Variants in DCC observed in about 807,000 individuals in gnomAD.
The protein encoded by DCC is netrin receptor DCC.
DCC carries 58 observed loss-of-function variants against 172.5 expected under a neutral mutation model. That is an observed-to-expected ratio of 0.34 (90% confidence interval 0.27 to 0.42). The LOEUF (loss-of-function observed/expected upper bound fraction) is 0.42. DCC is among the 10% of genes least tolerant of loss of function. The pLI, the probability that DCC is intolerant of heterozygous loss-of-function variation, is 1.00. For missense variants in DCC, 1,740 were observed against 1,791.0 expected (o/e 0.97, Z 0.51); for synonymous variants, 709 against 644.5 (o/e 1.10, Z -1.52).
chr18:53,498,234 C>T (rs1030409417), intron 26 of DCC, among the ~76,000 whole-genome samples: 5 of 152,226 alleles, frequency 3.3e-5, no homozygotes, highest in South Asian at 2.1e-4. Context: ...TTGATGACCT[C>T]CTTGAGCCTC....
In DCC at chr18:53,320,368, G is replaced by A. The variant is rs112607301; in HGVS notation, c.2054-1679G>A. Among the ~76,000 whole-genome samples, 478 of 152,174 alleles carry A rather than the reference G, an allele frequency of 3.1e-3. 4 individuals are homozygous for A. The highest frequency in any genetic ancestry group is 0.011 in the African/African-American group (453 of 41,522). On this transcript the variant is annotated intron_variant, in intron 13 of 28. Transcript: ENST00000442544. ...ATTACAGGCATGAGCCACCGCGCCC[G>A]GCCAAGAGTACATTTTTGATGGATT...
chr18:52,483,163 C>T (rs529645017), intron 1 of DCC, among the ~76,000 whole-genome samples: 1 of 152,208 alleles, frequency 6.6e-6, no homozygotes, highest in African/African-American at 2.4e-5. Context: ...CTGCCTTCCT[C>T]TAATAAGGAT....
chr18:52,344,765 CA>C (rs1189523855), intron 1 of DCC, among the ~76,000 whole-genome samples: 2 of 137,878 alleles, frequency 1.5e-5, no homozygotes, highest in African/African-American at 5.3e-5. Flanking sequence ...TTTGCCATCC[CA>C]AACTTTGCAT....
intron 3 of DCC, among the ~76,000 whole-genome samples, chr18:52,914,382 A>G (rs990884205): frequency 1.3e-5 from 2 of 152,146 alleles, no homozygotes; most frequent in East Asian, 3.9e-4. Context: ...GTATGTGTAC[A>G]TAGAGAAAGA....
At chr18:52,527,559 G>A (rs1292825406) in intron 1 of DCC, among the ~76,000 whole-genome samples, 2 of 152,202 alleles carry the variant, frequency 1.3e-5, no homozygotes, top group East Asian at 1.9e-4. Flanking sequence ...GCAGAGTTCA[G>A]TGGTTGCTAA....
intron 2 of DCC, among the ~76,000 whole-genome samples, chr18:52,845,465 GATA>G (rs1168471483): frequency 6.6e-6 from 1 of 152,168 alleles, no homozygotes; most frequent in Non-Finnish European, 1.5e-5. Flanking sequence ...CCCCTGAGAG[GATA>G]ATAATGATCC....
intron 7 of DCC, among the ~76,000 whole-genome samples, chr18:53,100,654 G>A (rs1016194503): frequency 6.6e-6 from 1 of 151,788 alleles, no homozygotes; most frequent in Admixed American, 6.6e-5. Flanking sequence ...AGAAAGAAAG[G>A]GAAAGCCGGA....
intron 1 of DCC, among the ~76,000 whole-genome samples, chr18:52,564,314 T>C (rs1318499637): frequency 6.6e-6 from 1 of 152,070 alleles, no homozygotes; most frequent in African/African-American, 2.4e-5. Flanking sequence ...ATGAAGTTAT[T>C]TTGAAAGAAA....
chr18:53,291,222 T>C (rs1435126873), intron 12 of DCC, among the ~76,000 whole-genome samples: 2 of 152,100 alleles, frequency 1.3e-5, no homozygotes, highest in South Asian at 2.1e-4. Context: ...AATTATGTCA[T>C]TTTTTTCTCT....
At chr18:52,633,402 C>A (rs2034713363) in intron 1 of DCC, among the ~76,000 whole-genome samples, 1 of 152,168 alleles carries the variant, frequency 6.6e-6, no homozygotes, top group South Asian at 2.1e-4. Flanking sequence ...AAAGCCAGTG[C>A]CATTGTTGGC....
intron 2 of DCC, among the ~76,000 whole-genome samples, chr18:52,845,390 C>T (rs761863994): frequency 6.6e-6 from 1 of 152,144 alleles, no homozygotes; most frequent in Non-Finnish European, 1.5e-5. Flanking sequence ...CAGCAATTCT[C>T]GATCAAAGAG....
At chr18:52,585,286 C>T (rs1352910704) in intron 1 of DCC, among the ~76,000 whole-genome samples, 1 of 152,114 alleles carries the variant, frequency 6.6e-6, no homozygotes, top group Non-Finnish European at 1.5e-5. Context: ...TGTAGCCATG[C>T]CCAAAAGCTA....
chr18:52,644,807 G>A (rs1427118420), intron 1 of DCC, among the ~76,000 whole-genome samples: 2 of 124,662 alleles, frequency 1.6e-5, no homozygotes, highest in African/African-American at 6.0e-5. Context: ...AAGGAAGGAA[G>A]GAAGGGAGGG....
chr18:52,783,390 T>G (rs1014123347), intron 2 of DCC, among the ~76,000 whole-genome samples: 1 of 135,584 alleles, frequency 7.4e-6, no homozygotes, highest in South Asian at 2.4e-4. Flanking sequence ...TACATAAAAA[T>G]GCTATTGCTT....
chr18:52,391,765 T>A (rs909666588), intron 1 of DCC, among the ~76,000 whole-genome samples: 8 of 152,124 alleles, frequency 5.3e-5, no homozygotes, highest in Non-Finnish European at 1.5e-5. Flanking sequence ...GCAACTCTAT[T>A]CTATTTGGGC....
At chr18:52,353,479 C>G (rs191009021) in intron 1 of DCC, among the ~76,000 whole-genome samples, 1 of 152,272 alleles carries the variant, frequency 6.6e-6, no homozygotes, top group East Asian at 1.9e-4. Flanking sequence ...CACACATGCT[C>G]AAAGTGAGAC....
chr18:53,327,706 T>C (rs1400726919), intron 14 of DCC, among the ~76,000 whole-genome samples: 1 of 152,122 alleles, frequency 6.6e-6, no homozygotes, highest in Non-Finnish European at 1.5e-5. Flanking sequence ...TGCAAATTCA[T>C]TTCATTTAAG....
intron 19 of DCC, among the ~76,000 whole-genome samples, chr18:53,404,261 G>GAT (rs79678639): frequency 0.42 from 64,138 of 151,622 alleles, 15,300 homozygotes; most frequent in Non-Finnish European, 0.55. Context: ...GATAGAAAAA[G>GAT]ATGTTTTTGG....
rs71173391 is a variant in DCC at position 52,357,936 on chromosome 18, T to TCAAAAA, written c.91+17058_91+17059insCAAAAA. ...CTGGGCGACAGAGCGAGACTCTGTG[T>TCAAAAA]AAAAAAAAAAAAAAAAAAAATCTGA... On this transcript the variant is annotated intron_variant, in intron 1 of 28. Transcript: ENST00000442544. Among the ~76,000 whole-genome samples, 14 of 123,400 alleles carry TCAAAAA rather than the reference T, an allele frequency of 1.1e-4. 1 individual carries two copies. The highest frequency in any genetic ancestry group is 1.4e-4 in the Non-Finnish European group (8 of 58,488). The allele number at this position is 123,400 out of a possible 152,430, so 81.0% of individuals were successfully genotyped here.
Sources: gnomAD v4.1 joint callset for allele counts (sites outside exome capture counted in the v4.1 genomes callset) on GRCh38, gnomAD v4.1.1 for gene constraint, MANE v1.5 for transcripts, NCBI Gene and HGNC (gene_info 2026-07-23, HGNC 2026-07-21) for gene names.